DACH2: variants seen among roughly 807,000 people sequenced by gnomAD.
The protein encoded by DACH2 is dachshund homolog 2.
Under a neutral mutation model 35.8 loss-of-function variants are expected in DACH2, and 17 were observed. That is an observed-to-expected ratio of 0.48 (90% CI 0.33 to 0.71). The LOEUF (loss-of-function observed/expected upper bound fraction) is 0.71. Ranked by LOEUF, DACH2 falls within the 30% of genes least tolerant of loss-of-function variation. The probability of loss-of-function intolerance (pLI) is 0.02; values close to 1 mark genes in which losing one functional copy is unlikely to be tolerated. For synonymous variants in DACH2, 195 were observed against 177.3 expected (o/e 1.10, Z -0.79); for missense variants, 469 against 472.7 (o/e 0.99, Z 0.07).
rs778297303 is a variant in DACH2, at chrX:86,726,800, G to T, written c.1104+12080G>T. On this transcript the variant is annotated intron_variant, in intron 6 of 11. Coordinates refer to ENST00000373125, the MANE Select transcript of DACH2 (RefSeq NM_053281.3). ...CTGTTGCAGGAGTGTGGAGTCCTGGGAGCTTCTCCGTTACTTTTTCCCCAT... is the reference window on the plus strand; with the variant it reads ...CTGTTGCAGGAGTGTGGAGTCCTGGTAGCTTCTCCGTTACTTTTTCCCCAT... 8.0e-5 allele frequency among the ~76,000 whole-genome samples: 9 copies of T among 111,850 alleles called. No homozygotes were observed. In the South Asian group the frequency reaches 3.4e-3, roughly 42 times the overall value.
intron 3 of DACH2, among the ~76,000 whole-genome samples, chrX:86,550,890 G>A (rs922862659): frequency 5.4e-5 from 6 of 111,698 alleles, no homozygotes; most frequent in Admixed American, 9.5e-5. Context: ...CTTACGTGGA[G>A]TATATGACTG....
At chrX:86,254,827 G>T (rs1295016100) in intron 1 of DACH2, among the ~76,000 whole-genome samples, 2 of 91,476 alleles carry the variant, frequency 2.2e-5, no homozygotes, top group Non-Finnish European at 4.2e-5. Context: ...GAGAGAGAGA[G>T]AGAGAGAGAG....
intron 1 of DACH2, among the ~76,000 whole-genome samples, chrX:86,275,044 A>AT (rs762408091): frequency 8.9e-6 from 1 of 111,846 alleles, no homozygotes; most frequent in African/African-American, 3.2e-5. Context: ...ACTTTTGCAC[A>AT]TTTCTACTGG....
chrX:86,463,415 G>A (rs184197697), intron 2 of DACH2, among the ~76,000 whole-genome samples: 3 of 110,607 alleles, frequency 2.7e-5, no homozygotes, highest in Non-Finnish European at 1.9e-5. Context: ...ACAAAAACAA[G>A]CAATGGGGAA....
chrX:86,735,034 T>C (rs1240988323), intron 6 of DACH2, among the ~76,000 whole-genome samples: 1 of 111,266 alleles, frequency 9.0e-6, no homozygotes, highest in Non-Finnish European at 1.9e-5. Flanking sequence ...ACAATGAGAG[T>C]TGAAGTCAAA....
intron 3 of DACH2, among the ~76,000 whole-genome samples, chrX:86,632,616 T>A (rs989191985): frequency 1.8e-5 from 2 of 110,612 alleles, no homozygotes; most frequent in Admixed American, 9.7e-5. Context: ...GTCCCTCCAA[T>A]ACATGGTGGG....
chrX:86,745,589 G>A (rs1382718698), intron 7 of DACH2, among the ~76,000 whole-genome samples: 1 of 111,258 alleles, frequency 9.0e-6, no homozygotes, highest in African/African-American at 3.3e-5. Context: ...AAAGGACATC[G>A]TCCTGTCCTT....
intron 1 of DACH2, among the ~76,000 whole-genome samples, chrX:86,286,308 T>C (rs2034149642): frequency 9.2e-6 from 1 of 109,097 alleles, no homozygotes; most frequent in African/African-American, 3.3e-5. Flanking sequence ...TTTGTATTTT[T>C]TTTAGTAGAG....
chrX:86,499,069 T>TTA (rs760812763), intron 2 of DACH2, among the ~76,000 whole-genome samples: 19 of 112,209 alleles, frequency 1.7e-4, no homozygotes, highest in Non-Finnish European at 3.2e-4. Flanking sequence ...ACATTGTGCA[T>TTA]TAGCTACCAA....
chrX:86,277,161 T>C (rs2033931348), intron 1 of DACH2, among the ~76,000 whole-genome samples: 1 of 112,016 alleles, frequency 8.9e-6, no homozygotes, highest in South Asian at 3.7e-4. Context: ...CTAATTTATA[T>C]CCATGGAATG....
intron 3 of DACH2, among the ~76,000 whole-genome samples, chrX:86,619,990 AG>A (rs2040051270): frequency 8.9e-6 from 1 of 112,367 alleles, no homozygotes; most frequent in African/African-American, 3.2e-5. Context: ...TTTTTAATTC[AG>A]TGACTTCTCT....
intron 3 of DACH2, among the ~76,000 whole-genome samples, chrX:86,563,042 A>G (rs1340611932): frequency 1.8e-5 from 2 of 111,048 alleles, no homozygotes; most frequent in African/African-American, 6.5e-5. Flanking sequence ...ATTTTGCTGC[A>G]CTAGACTTAG....
At chrX:86,340,324 C>T (rs1258947252) in intron 1 of DACH2, among the ~76,000 whole-genome samples, 1 of 111,450 alleles carries the variant, frequency 9.0e-6, no homozygotes, top group Non-Finnish European at 1.9e-5. Flanking sequence ...CAAACATTTT[C>T]ATTATTATTA....
rs183659637 is a variant in DACH2 at position 86,263,046 on chromosome X, C to T, written c.489-113778C>T. The T allele has an allele frequency of 1.6e-3, 1,170 of 723,752 alleles. 9 individuals are homozygous for T. The African/African-American group carries it at 0.025, about 15-fold the overall frequency. 59.6% of individuals were successfully genotyped at this position (723,752 alleles called of 1,213,427 possible). The stretch of plus-strand genomic sequence containing the variant: ...TTTTAATTCTTTGTGCTAGCAAAAC[C>T]GCTAAAGAAAAAGGAGAAAAAAGCA... On this transcript the variant is annotated intron_variant, in intron 1 of 11. Coordinates refer to ENST00000373125, the MANE Select transcript of DACH2 (RefSeq NM_053281.3).
chrX:86,316,943 C>A (rs1188356849), intron 1 of DACH2, among the ~76,000 whole-genome samples: 1 of 109,525 alleles, frequency 9.1e-6, no homozygotes, highest in Non-Finnish European at 1.9e-5. Flanking sequence ...GATGGTGAAA[C>A]CCCATCTCTA....
intron 4 of DACH2, among the ~76,000 whole-genome samples, chrX:86,694,566 C>A (rs965527801): frequency 8.9e-6 from 1 of 112,100 alleles, no homozygotes; most frequent in Non-Finnish European, 1.9e-5. Context: ...CTCTGAGTGA[C>A]CTGAGAAGAA....
chrX:86,302,237 C>A (rs780851500), intron 1 of DACH2, among the ~76,000 whole-genome samples: 5 of 111,492 alleles, frequency 4.5e-5, no homozygotes, highest in Admixed American at 1.9e-4. Context: ...TAACTTCCTT[C>A]TGCCTTGAAA....
intron 2 of DACH2, among the ~76,000 whole-genome samples, chrX:86,395,753 T>C (rs1478211450): frequency 8.9e-6 from 1 of 112,217 alleles, no homozygotes; most frequent in Non-Finnish European, 1.9e-5. Flanking sequence ...TTCCATGGTG[T>C]ATATGTGCCA....
intron 2 of DACH2, among the ~76,000 whole-genome samples, chrX:86,454,794 A>G (rs1194111123): frequency 8.9e-6 from 1 of 112,036 alleles, no homozygotes; most frequent in Non-Finnish European, 1.9e-5. Context: ...TCTCAGCCTC[A>G]GCCCACTTCT....
Sources: gnomAD v4.1 joint callset for allele counts (sites outside exome capture counted in the v4.1 genomes callset) on GRCh38, gnomAD v4.1.1 for gene constraint, MANE v1.5 for transcripts, NCBI Gene and HGNC (gene_info 2026-07-23, HGNC 2026-07-21) for gene names.